ERBB4: variants seen among roughly 807,000 people sequenced by gnomAD.
ERBB4 encodes receptor tyrosine-protein kinase erbB-4.
In ERBB4, 42 loss-of-function variants were observed where a neutral mutation model predicts 158.0. The observed-to-expected ratio is 0.27, with a 90% confidence interval of 0.21 to 0.34. ERBB4 has a LOEUF of 0.34. Ranked by LOEUF, ERBB4 falls within the 10% of genes least tolerant of loss-of-function variation. The pLI is 1.00. For missense variants in ERBB4, 1,333 were observed against 1,624.1 expected (o/e 0.82, Z 3.08); for synonymous variants, 583 against 558.7 (o/e 1.04, Z -0.61).
At chr2:212,143,781 G>A (rs1254144505) in intron 1 of ERBB4, among the ~76,000 whole-genome samples, 1 of 152,040 alleles carries the variant, frequency 6.6e-6, no homozygotes, top group Non-Finnish European at 1.5e-5. Context: ...ACTTTGAGAG[G>A]CCGAGGCGGG....
intron 5 of ERBB4, among the ~76,000 whole-genome samples, chr2:211,741,307 C>G (rs536311008): frequency 6.6e-6 from 1 of 152,236 alleles, no homozygotes; most frequent in Admixed American, 6.5e-5. Flanking sequence ...CTGTTCTTCT[C>G]AATGTCCTAT....
intron 3 of ERBB4, among the ~76,000 whole-genome samples, chr2:211,875,025 C>CAAAAAAAAAACA (rs2078456427): frequency 3.7e-5 from 1 of 27,032 alleles, no homozygotes; most frequent in Non-Finnish European, 6.5e-5. Context: ...AATAGAAATG[C>CAAAAAAAAAACA]AAAAAAAAAA....
At chr2:211,635,571 C>T (rs1487595873) in intron 16 of ERBB4, among the ~76,000 whole-genome samples, 3 of 151,858 alleles carry the variant, frequency 2.0e-5, no homozygotes, top group South Asian at 2.1e-4. Context: ...ATATTTTCTC[C>T]CATTGATCAG....
intron 2 of ERBB4, among the ~76,000 whole-genome samples, chr2:211,967,832 T>C (rs2081346698): frequency 6.6e-6 from 1 of 151,982 alleles, no homozygotes; most frequent in Non-Finnish European, 1.5e-5. Context: ...AGGTAATCAT[T>C]ACACATAGTA....
chr2:212,251,266 T>C (rs1171528166), intron 1 of ERBB4, among the ~76,000 whole-genome samples: 2 of 152,004 alleles, frequency 1.3e-5, no homozygotes, highest in Non-Finnish European at 2.9e-5. Flanking sequence ...GCCATATTAG[T>C]CTAAGAAGTT....
intron 1 of ERBB4, among the ~76,000 whole-genome samples, chr2:212,263,941 A>G (rs112876825): frequency 6.6e-6 from 1 of 152,076 alleles, no homozygotes; most frequent in African/African-American, 2.4e-5. Context: ...CCTTTGTAAT[A>G]TCTATGGCTT....
intron 3 of ERBB4, among the ~76,000 whole-genome samples, chr2:211,802,526 A>C (rs769240548): frequency 2.6e-5 from 4 of 152,246 alleles, no homozygotes; most frequent in Admixed American, 6.5e-5. Flanking sequence ...CAGATGCTAA[A>C]CCTAAGCCTT....
intron 2 of ERBB4, among the ~76,000 whole-genome samples, chr2:212,032,251 G>T (rs2125351708): frequency 6.6e-6 from 1 of 152,120 alleles, no homozygotes; most frequent in African/African-American, 2.4e-5. Context: ...AGATCTGTGT[G>T]TTTATTCTGG....
chr2:212,366,120 A>T (rs562786469), intron 1 of ERBB4, among the ~76,000 whole-genome samples: 1 of 151,964 alleles, frequency 6.6e-6, no homozygotes, highest in African/African-American at 2.4e-5. Context: ...AAAAATATAA[A>T]TTTGATTGGC....
chr2:211,500,509 AAATGT>A (rs1191059527), intron 20 of ERBB4, among the ~76,000 whole-genome samples: 13 of 152,246 alleles, frequency 8.5e-5, no homozygotes, highest in East Asian at 7.7e-4. Context: ...AACCCATTAA[AAATGT>A]AATGTAAAGT....
At chr2:212,029,308 C>T (rs868031891) in intron 2 of ERBB4, among the ~76,000 whole-genome samples, 1 of 152,112 alleles carries the variant, frequency 6.6e-6, no homozygotes, top group Middle Eastern at 3.4e-3. Flanking sequence ...CCATCTTGCC[C>T]TTGAATTCTT....
intron 2 of ERBB4, among the ~76,000 whole-genome samples, chr2:212,041,016 G>A (rs1169436245): frequency 6.6e-6 from 1 of 152,046 alleles, no homozygotes; most frequent in East Asian, 1.9e-4. Flanking sequence ...AGAGTCTGAA[G>A]AGACTTCTTG....
intron 1 of ERBB4, among the ~76,000 whole-genome samples, chr2:212,517,479 A>G (rs965854318): frequency 6.6e-6 from 1 of 152,084 alleles, no homozygotes; most frequent in Non-Finnish European, 1.5e-5. Context: ...ATTATTATCA[A>G]TGATTATCCC....
Position 212,108,161 on chromosome 2 carries a change from T to C in ERBB4, c.234+16591A>G, listed in dbSNP as rs116045228. Among the ~76,000 whole-genome samples the C allele has an allele frequency of 9.6e-3, 1,456 of 152,232 alleles. 19 individuals carry two copies. Among genetic ancestry groups the C allele is most frequent in the African/African-American group, 0.033 (1,383 of 41,542 alleles). Reference sequence around the variant, plus strand: ...TAAGCACTGTGGCACAGATGAGTCATGAATATGCACACTTTAGGCAGGAAA... The same window carrying C: ...TAAGCACTGTGGCACAGATGAGTCACGAATATGCACACTTTAGGCAGGAAA... On this transcript the variant is annotated intron_variant, in intron 2 of 27. Coordinates refer to ENST00000342788, the MANE Select transcript of ERBB4 (RefSeq NM_005235.3).
At chr2:212,294,576 C>T (rs1048098487) in intron 1 of ERBB4, among the ~76,000 whole-genome samples, 3 of 151,860 alleles carry the variant, frequency 2.0e-5, no homozygotes, top group African/African-American at 4.8e-5. Context: ...AAAGTTGTAT[C>T]GCTTTAAAAT....
chr2:212,141,336 A>G (rs1375068068), intron 1 of ERBB4, among the ~76,000 whole-genome samples: 2 of 152,000 alleles, frequency 1.3e-5, no homozygotes, highest in African/African-American at 2.4e-5. Flanking sequence ...TTTATTAATG[A>G]AGAAACTTGG....
intron 1 of ERBB4, among the ~76,000 whole-genome samples, chr2:212,317,202 T>C (rs2087328204): frequency 6.6e-6 from 1 of 151,482 alleles, no homozygotes; most frequent in African/African-American, 2.4e-5. Context: ...AAATCAGCAT[T>C]TGCAATCAAA....
intron 24 of ERBB4, among the ~76,000 whole-genome samples, chr2:211,421,796 C>G (rs948111800): frequency 6.6e-6 from 1 of 151,872 alleles, no homozygotes; most frequent in Non-Finnish European, 1.5e-5. Flanking sequence ...TGTTCAGTAG[C>G]AGAGCCACTT....
chr2:211,557,298 C>T (rs549390154), intron 20 of ERBB4, among the ~76,000 whole-genome samples: 1 of 152,152 alleles, frequency 6.6e-6, no homozygotes, highest in South Asian at 2.1e-4. Context: ...TTCTTCACTG[C>T]AAAAGAAACT....
Sources: allele counts gnomAD v4.1 joint callset (sites outside exome capture counted in the v4.1 genomes callset), GRCh38; gene constraint gnomAD v4.1.1; transcripts MANE v1.5; gene names NCBI Gene and HGNC (gene_info 2026-07-23, HGNC 2026-07-21).